The following FMN1 variants were observed in gnomAD, a reference collection of about 807,000 sequenced individuals.
FMN1 encodes formin 1.
A neutral mutation model predicts 132.4 loss-of-function variants in FMN1; 110 were observed. The observed-to-expected ratio is 0.83, with a 90% CI of 0.71 to 0.97. FMN1 has a LOEUF of 0.97. FMN1 is among the 50% of genes least tolerant of loss of function. The probability of loss-of-function intolerance (pLI) is 0.00; values close to 1 mark genes in which losing one functional copy is unlikely to be tolerated. For synonymous variants in FMN1, 722 were observed against 651.7 expected, an observed-to-expected ratio of 1.11 and a Z score of -1.64; for missense variants, 1,792 against 1,705.3, an observed-to-expected ratio of 1.05 and a Z score of -0.90.
intron 8 of FMN1, among the ~76,000 whole-genome samples, 153 bp from the exon 9 acceptor site, chr15:32,964,410 G>C (rs1001341248): frequency 6.6e-6 from 1 of 152,006 alleles, no homozygotes; most frequent in Middle Eastern, 3.2e-3. Context: ...TTTATGTTAC[G>C]CATTTGTTAA....
intron 4 of FMN1, among the ~76,000 whole-genome samples, chr15:33,149,587 C>T (rs1464068203): frequency 6.6e-6 from 1 of 152,066 alleles, no homozygotes; most frequent in Admixed American, 6.6e-5. Flanking sequence ...TAATTGGGAT[C>T]CTATTACTTT....
chr15:33,081,226 TA>T (rs2038443976), intron 5 of FMN1, among the ~76,000 whole-genome samples: 1 of 152,156 alleles, frequency 6.6e-6, no homozygotes, highest in Non-Finnish European at 1.5e-5. Context: ...TCTTCTACCA[TA>T]CCCCCACCTT....
chr15:32,793,175 A>G (rs2057152274), intron 19 of FMN1, among the ~76,000 whole-genome samples: 2 of 152,094 alleles, frequency 1.3e-5, no homozygotes, highest in South Asian at 4.1e-4. Flanking sequence ...ACAGTTTTTT[A>G]GTTTATCCTC....
intron 6 of FMN1, among the ~76,000 whole-genome samples, chr15:33,048,631 C>CAAAAAAAAAAAAAAAAAAAAAAAA (rs768997793): frequency 1.8e-4 from 8 of 43,434 alleles, no homozygotes; most frequent in Non-Finnish European, 3.0e-4. Context: ...GGCAATTTAC[C>CAAAAAAAAAAAAAAAAAAAAAAAA]AAAAAAAAAA....
intron 3 of FMN1, among the ~76,000 whole-genome samples, chr15:33,172,314 A>C (rs548378045): frequency 6.6e-6 from 1 of 152,360 alleles, no homozygotes. Flanking sequence ...TAAGAGGTGG[A>C]ATGGGTGGAC....
rs74012416 is a variant in FMN1 at position 32,973,543 on chromosome 15, T to C, written c.2224-4066A>G. Among the ~76,000 whole-genome samples, 1,225 of 151,944 alleles carry C rather than the reference T, an allele frequency of 8.1e-3. 18 individuals carry two copies. The highest frequency in any genetic ancestry group is 0.029 in the African/African-American group (1,181 of 41,292). Reference sequence around the variant, plus strand: ...AATGATAGTAAGAAATCTTTCTGGATCACTAAAATTTAATTGCCTCTCTCT... The same window carrying C: ...AATGATAGTAAGAAATCTTTCTGGACCACTAAAATTTAATTGCCTCTCTCT... On this transcript the variant is annotated intron_variant, in intron 7 of 20. Coordinates refer to ENST00000616417, the MANE Select transcript of FMN1 (RefSeq NM_001277313.2).
intron 16 of FMN1, among the ~76,000 whole-genome samples, chr15:32,874,814 T>G (rs2059600405): frequency 6.7e-6 from 1 of 149,104 alleles, no homozygotes; most frequent in Non-Finnish European, 1.5e-5. Flanking sequence ...ATTGAAAAGG[T>G]CAAACAAGAT....
chr15:32,948,323 T>C (rs2061552817), intron 9 of FMN1, among the ~76,000 whole-genome samples: 1 of 152,052 alleles, frequency 6.6e-6, no homozygotes, highest in Admixed American at 6.6e-5. Context: ...TTTCATTTGC[T>C]AATATTCTGG....
At chr15:33,117,496 C>T (rs1031185917) in intron 4 of FMN1, among the ~76,000 whole-genome samples, 1 of 152,170 alleles carries the variant, frequency 6.6e-6, no homozygotes, top group African/African-American at 2.4e-5. Context: ...TTTCCCCACA[C>T]AAGTAATTTA....
At chr15:32,973,121 A>AAAAT (rs200888047) in intron 7 of FMN1, among the ~76,000 whole-genome samples, 10 of 152,220 alleles carry the variant, frequency 6.6e-5, no homozygotes, top group African/African-American at 1.9e-4. Context: ...AGATTTTGAA[A>AAAAT]AAATAAATAA....
At chr15:33,072,965 G>A (rs544412523) in intron 5 of FMN1, among the ~76,000 whole-genome samples, 3 of 151,664 alleles carry the variant, frequency 2.0e-5, no homozygotes, top group African/African-American at 7.3e-5. Context: ...TCTAGTAAGT[G>A]TATACCTAGT....
At chr15:33,081,553 T>C (rs2038460622) in intron 5 of FMN1, among the ~76,000 whole-genome samples, 1 of 152,204 alleles carries the variant, frequency 6.6e-6, no homozygotes, top group African/African-American at 2.4e-5. Context: ...TGTCTAATTC[T>C]GAGCCTGGAT....
At chr15:33,029,538 C>T (rs1177276377) in intron 6 of FMN1, among the ~76,000 whole-genome samples, 1 of 152,016 alleles carries the variant, frequency 6.6e-6, no homozygotes, top group Non-Finnish European at 1.5e-5. Context: ...AGAACCTTGA[C>T]AGTTGTATTA....
intron 3 of FMN1, among the ~76,000 whole-genome samples, chr15:33,157,486 A>C (rs1964720066): frequency 6.6e-6 from 1 of 152,196 alleles, no homozygotes; most frequent in African/African-American, 2.4e-5. Flanking sequence ...GTCTAAGGGA[A>C]TATGGCTCAG....
intron 4 of FMN1, among the ~76,000 whole-genome samples, chr15:33,130,642 T>C (rs552707413): frequency 6.6e-6 from 1 of 152,320 alleles, no homozygotes; most frequent in South Asian, 2.1e-4. Flanking sequence ...TAAGTGATAA[T>C]TTCAGAGTTT....
intron 10 of FMN1, among the ~76,000 whole-genome samples, chr15:32,916,912 G>A (rs2060698225): frequency 6.6e-6 from 1 of 152,066 alleles, no homozygotes. Context: ...AATATAGAAG[G>A]ACTTGGTTTT....
chr15:32,861,187 G>A (rs1323068080), intron 16 of FMN1, among the ~76,000 whole-genome samples: 1 of 152,178 alleles, frequency 6.6e-6, no homozygotes, highest in Non-Finnish European at 1.5e-5. Context: ...AAACATGCCT[G>A]CAATTTACTA....
intron 6 of FMN1, among the ~76,000 whole-genome samples, chr15:33,027,547 C>T (rs933063178): frequency 2.6e-5 from 4 of 152,192 alleles, no homozygotes; most frequent in African/African-American, 9.7e-5. Context: ...CAGCCAGAAA[C>T]ACTAGTTTTA....
chr15:32,977,225 A>C (rs575736075), intron 7 of FMN1, among the ~76,000 whole-genome samples: 2 of 152,238 alleles, frequency 1.3e-5, no homozygotes, highest in East Asian at 3.8e-4. Flanking sequence ...AAGAAAGAGA[A>C]GCAATGAGGA....
Sources: allele counts gnomAD v4.1 joint callset (sites outside exome capture counted in the v4.1 genomes callset), GRCh38; gene constraint gnomAD v4.1.1; transcripts MANE v1.5; gene names NCBI Gene and HGNC (gene_info 2026-07-23, HGNC 2026-07-21).